The following MYO9A variants were observed in gnomAD, a reference collection of about 807,000 sequenced individuals.
MYO9A encodes the protein unconventional myosin-IXa.
Under a neutral mutation model 293.3 loss-of-function variants are expected in MYO9A, and 103 were observed. That is an observed-to-expected ratio of 0.35 (90% CI 0.30 to 0.41). The LOEUF is 0.41. MYO9A is among the 10% of genes least tolerant of loss of function. The probability of loss-of-function intolerance (pLI) is 1.00; values close to 1 mark genes in which losing one functional copy is unlikely to be tolerated. For missense variants in MYO9A, 2,685 were observed against 3,033.0 expected (o/e 0.89, Z 2.69); for synonymous variants, 1,001 against 1,035.7 (o/e 0.97, Z 0.64).
At chr15:72,051,122 T>C (rs1235304359) in intron 1 of MYO9A, among the ~76,000 whole-genome samples, 3 of 152,236 alleles carry the variant, frequency 2.0e-5, no homozygotes, top group Non-Finnish European at 4.4e-5. Flanking sequence ...TGGAGTACAA[T>C]GGCACAATCA....
chr15:71,927,328 G>A (rs561237565), intron 18 of MYO9A, among the ~76,000 whole-genome samples: 1 of 152,264 alleles, frequency 6.6e-6, no homozygotes, highest in East Asian at 1.9e-4. Context: ...CTGTTGATTA[G>A]TTCCTTTGCT....
chr15:71,918,736 T>A lies in MYO9A; in HGVS notation c.2563-2244A>T, dbSNP rs1157548985. On this transcript the variant is annotated intron_variant, in intron 18 of 41. Transcript: ENST00000356056. ...TCCCCCACTTCCACTTTTAAGATAC[T>A]ATGGAGAAAAAGACCTTGGAAATAA... is the stretch of plus-strand genomic sequence containing the variant. 3.3e-5 allele frequency among the ~76,000 whole-genome samples: 5 copies of A among 152,268 alleles called. No individual in the cohort carries two copies. The East Asian group carries it at 9.6e-4, about 29-fold the overall frequency.
intron 11 of MYO9A, among the ~76,000 whole-genome samples, chr15:71,987,113 T>C (rs1357679461): frequency 6.6e-6 from 1 of 152,216 alleles, no homozygotes; most frequent in African/African-American, 2.4e-5. Flanking sequence ...TGTAGCATGC[T>C]GTACAGGTTT....
intron 2 of MYO9A, among the ~76,000 whole-genome samples, chr15:72,035,368 C>CAAAT: frequency 6.6e-6 from 1 of 151,914 alleles, no homozygotes; most frequent in African/African-American, 2.4e-5. Flanking sequence ...TTGAAAATAA[C>CAAAT]GAAATGTCCA....
At chr15:72,014,145 T>C (rs977984149) in intron 6 of MYO9A, among the ~76,000 whole-genome samples, 1 of 152,316 alleles carries the variant, frequency 6.6e-6, no homozygotes, top group East Asian at 1.9e-4. Flanking sequence ...TGGTGGTAGT[T>C]ATGATTGCCT....
At position 72,066,668 on chromosome 15, in the gene MYO9A, G is replaced by A. The variant is rs554556555; in HGVS notation, c.-71-20034C>T. ...GGGCACAAAAGGAAGGCCTTACAAA[G>A]TTTTATAAACATTCTATATCTTAAT... On this transcript the variant is annotated intron_variant, in intron 1 of 41. Coordinates refer to ENST00000356056, the MANE Select transcript of MYO9A (RefSeq NM_006901.4). Among the ~76,000 whole-genome samples, 5 of 152,210 alleles carry A rather than the reference G, an allele frequency of 3.3e-5. No individual in the cohort carries two copies. In the East Asian group the frequency reaches 7.7e-4, roughly 23 times the overall value.
At chr15:71,932,905 G>C (rs1203718720) in intron 18 of MYO9A, among the ~76,000 whole-genome samples, 1 of 151,930 alleles carries the variant, frequency 6.6e-6, no homozygotes, top group Non-Finnish European at 1.5e-5. Context: ...TTCTGTTGAT[G>C]AAAGTTTGAG....
chr15:72,085,393 C>CAA (rs766156056), intron 1 of MYO9A, among the ~76,000 whole-genome samples: 8 of 95,166 alleles, frequency 8.4e-5, no homozygotes, highest in African/African-American at 1.9e-4. Flanking sequence ...GAGTCTGTCT[C>CAA]AAAAAAAAAA....
intron 2 of MYO9A, among the ~76,000 whole-genome samples, chr15:72,036,352 T>A (rs1459850588): frequency 4.6e-5 from 7 of 152,158 alleles, no homozygotes; most frequent in Admixed American, 2.6e-4. Context: ...GGCACAAGAA[T>A]GCTGACAAAA....
intron 39 of MYO9A, among the ~76,000 whole-genome samples, chr15:71,845,379 G>A (rs1198810902): frequency 6.6e-6 from 1 of 152,226 alleles, no homozygotes; most frequent in Non-Finnish European, 1.5e-5. Context: ...TTTCTGTGAA[G>A]TGCAGTGAGC....
At position 72,046,277 on chromosome 15, in the gene MYO9A, T is replaced by C. The variant is rs1364248738; in HGVS notation, c.287A>G (p.Asn96Ser). ...MMLWPRMALE[N>S]RLSGEDYRFL... ...GCGGTAGTCCTCTCCACTTAAGCGA[T>C]TTTCCAGAGCCATTCGGGGCCACAG... The change falls in exon 2 of 42, where the codon AAT (asparagine) becomes AGT (serine). Residue 96 changes from asparagine to serine, a missense_variant. By Grantham distance (46) the Asn-to-Ser change is conservative. Coordinates refer to ENST00000356056, the MANE Select transcript of MYO9A (RefSeq NM_006901.4). 1.9e-6 allele frequency: 3 copies of C among 1,613,914 alleles called. No homozygotes were observed. Among genetic ancestry groups the C allele is most frequent in the Non-Finnish European group, 2.5e-6 (3 of 1,179,906 alleles).
rs764025331 is a variant in MYO9A at position 71,967,995 on chromosome 15, A to G, written c.1975T>C (p.Tyr659His). The change falls in exon 13 of 42, where the codon TAT (tyrosine) becomes CAT (histidine). Residue 659 changes from tyrosine to histidine, a missense_variant. This residue lies in a region of MYO9A where 201 missense variants were observed against 245.2 expected (regional missense o/e 0.82). Coordinates refer to ENST00000356056, the MANE Select transcript of MYO9A (RefSeq NM_006901.4). ...IIKHYAGKVK[Y>H]GVKDFREKNT... ...AGAAATTTACTGACCTTTACCCCATATTTTACTTTTCCAGCATAATGTTTT... is the reference window on the plus strand; with the variant it reads ...AGAAATTTACTGACCTTTACCCCATGTTTTACTTTTCCAGCATAATGTTTT... 6.2e-7 allele frequency: 1 copy of G among 1,609,886 alleles called. No homozygotes were observed. The highest frequency in any genetic ancestry group is 8.5e-7 in the Non-Finnish European group (1 of 1,178,480).
intron 6 of MYO9A, among the ~76,000 whole-genome samples, chr15:72,011,976 A>G (rs2077188231): frequency 6.6e-6 from 1 of 152,214 alleles, no homozygotes; most frequent in African/African-American, 2.4e-5. Context: ...GAATTGAATG[A>G]AACATTCCTT....
chr15:71,915,837 T>TG (rs2057994019), intron 19 of MYO9A, among the ~76,000 whole-genome samples: 1 of 152,076 alleles, frequency 6.6e-6, no homozygotes, highest in Non-Finnish European at 1.5e-5. Flanking sequence ...TTGAGAAGAA[T>TG]GGAAGAGGCA....
At chr15:72,007,305 G>A (rs2077043869) in intron 8 of MYO9A, among the ~76,000 whole-genome samples, 1 of 151,652 alleles carries the variant, frequency 6.6e-6, no homozygotes, top group Non-Finnish European at 1.5e-5. Flanking sequence ...ATCACTCCAG[G>A]AAGAAAGAAT....
At chr15:72,043,079 CA>C (rs71438543) in intron 2 of MYO9A, among the ~76,000 whole-genome samples, 2,070 of 143,956 alleles carry the variant, frequency 0.014, 25 homozygotes, top group East Asian at 0.026. Context: ...AAAAAACAAA[CA>C]AAAAAAAAAG....
chr15:72,018,170 T>G (rs1205101098), intron 6 of MYO9A, among the ~76,000 whole-genome samples: 1 of 151,630 alleles, frequency 6.6e-6, no homozygotes, highest in East Asian at 1.9e-4. Context: ...AATCACTCAA[T>G]TTACAACATA....
intron 18 of MYO9A, among the ~76,000 whole-genome samples, chr15:71,917,438 G>A (rs1348899202): frequency 6.6e-6 from 1 of 152,172 alleles, no homozygotes; most frequent in Non-Finnish European, 1.5e-5. Context: ...GGGAGGCTGA[G>A]GCAGGAGAAC....
At chr15:72,014,957 C>T (rs2077287741) in intron 6 of MYO9A, among the ~76,000 whole-genome samples, 1 of 151,948 alleles carries the variant, frequency 6.6e-6, no homozygotes, top group African/African-American at 2.4e-5. Context: ...GATTCTCTCA[C>T]CTCAGCCTCC....
Sources: allele counts gnomAD v4.1 joint callset (sites outside exome capture counted in the v4.1 genomes callset), GRCh38; gene constraint gnomAD v4.1.1; regional missense constraint gnomAD v4.1.1; transcripts MANE v1.5; gene names NCBI Gene and HGNC (gene_info 2026-07-23, HGNC 2026-07-21).